GLI3: variants seen among roughly 807,000 people sequenced by gnomAD.
GLI3 encodes the protein transcription activator GLI3.
Under a neutral mutation model 100.8 loss-of-function variants are expected in GLI3, and 20 were observed. The observed-to-expected ratio is 0.20, with a 90% CI of 0.14 to 0.29. GLI3 has a LOEUF of 0.29. GLI3 is among the 10% of genes least tolerant of loss of function. GLI3 has a pLI of 1.00. For synonymous variants in GLI3, 938 were observed against 860.5 expected (o/e 1.09, Z -1.58); for missense variants, 2,040 against 2,128.5 (o/e 0.96, Z 0.82).
At chr7:42,209,080 G>C (rs1788212611) in intron 2 of GLI3, among the ~76,000 whole-genome samples, 1 of 151,862 alleles carries the variant, frequency 6.6e-6, no homozygotes, top group African/African-American at 2.4e-5. Context: ...TTAGAGACAG[G>C]GTCTCACTCT....
At chr7:42,031,059 G>A (rs910387029) in intron 7 of GLI3, among the ~76,000 whole-genome samples, 2 of 152,102 alleles carry the variant, frequency 1.3e-5, no homozygotes, top group African/African-American at 4.8e-5. Flanking sequence ...CTTCTCTAGA[G>A]CAGGACATAA....
chr7:42,180,130 G>A (rs771337018), intron 2 of GLI3, among the ~76,000 whole-genome samples: 1 of 152,184 alleles, frequency 6.6e-6, no homozygotes, highest in Non-Finnish European at 1.5e-5. Flanking sequence ...GGAGTGGCCT[G>A]CAGAGGACAG....
chr7:42,191,008 C>T (rs1457863528), intron 2 of GLI3, among the ~76,000 whole-genome samples: 3 of 151,588 alleles, frequency 2.0e-5, no homozygotes, highest in Non-Finnish European at 2.9e-5. Context: ...AAGACATTTC[C>T]TTAACCTGAT....
chr7:42,072,131 T>C (rs1020402916), intron 4 of GLI3, among the ~76,000 whole-genome samples: 1 of 152,166 alleles, frequency 6.6e-6, no homozygotes, highest in African/African-American at 2.4e-5. Context: ...ACTGTTCACA[T>C]CCACAGCACA....
chr7:42,108,476 G>A (rs557075547), intron 3 of GLI3, among the ~76,000 whole-genome samples: 1 of 152,238 alleles, frequency 6.6e-6, no homozygotes, highest in Non-Finnish European at 1.5e-5. Context: ...CCGCAAACTG[G>A]AAAGATAGAC....
At chr7:42,070,488 G>A (rs1784763378) in intron 4 of GLI3, among the ~76,000 whole-genome samples, 1 of 152,202 alleles carries the variant, frequency 6.6e-6, no homozygotes, top group East Asian at 1.9e-4. Flanking sequence ...AGGGTGTGGA[G>A]TCTGATGCCT....
upstream of GLI3, among the ~76,000 whole-genome samples, chr7:42,242,517 C>G (rs1788935496): frequency 6.6e-6 from 1 of 152,170 alleles, no homozygotes; most frequent in African/African-American, 2.4e-5. Flanking sequence ...GTCCTTTGTC[C>G]TTCTCTAGTC....
intron 11 of GLI3, 121 bp from the exon 12 acceptor site, chr7:41,977,843 G>C: frequency 1.2e-6 from 1 of 862,896 alleles, no homozygotes; most frequent in Non-Finnish European, 2.0e-6. Flanking sequence ...TCAAAACCCA[G>C]GAACAAAAAG....
chr7:42,173,640 G>A (rs1484879230), intron 2 of GLI3, among the ~76,000 whole-genome samples: 3 of 151,954 alleles, frequency 2.0e-5, no homozygotes, highest in African/African-American at 4.8e-5. Flanking sequence ...CTCCTTTCAC[G>A]AGCACAAAAG....
chr7:42,096,759 T>C (rs886285621), intron 3 of GLI3, among the ~76,000 whole-genome samples: 1 of 152,136 alleles, frequency 6.6e-6, no homozygotes, highest in Admixed American at 6.5e-5. Flanking sequence ...CAGAGAACTC[T>C]GCCATGGAAA....
intron 4 of GLI3, among the ~76,000 whole-genome samples, chr7:42,060,294 A>G (rs1378168772): frequency 6.6e-6 from 1 of 152,150 alleles, no homozygotes; most frequent in Non-Finnish European, 1.5e-5. Context: ...ATTTCCCTCA[A>G]GGACCTGATA....
At chr7:42,098,794 A>C (rs1785395748) in intron 3 of GLI3, among the ~76,000 whole-genome samples, 1 of 152,192 alleles carries the variant, frequency 6.6e-6, no homozygotes, top group Non-Finnish European at 1.5e-5. Context: ...AAACGGAAAT[A>C]AAATGGGCCC....
chr7:42,234,411 C>T (rs1266098329), intron 1 of GLI3, among the ~76,000 whole-genome samples: 1 of 152,090 alleles, frequency 6.6e-6, no homozygotes, highest in African/African-American at 2.4e-5. Context: ...CTTCACTGGC[C>T]AAGAAACAAA....
At chr7:42,237,347 G>A (rs1020855256), upstream of GLI3, among the ~76,000 whole-genome samples, 3 of 152,022 alleles carry the variant, frequency 2.0e-5, no homozygotes. Flanking sequence ...TCAACCGCGG[G>A]AGGGAGGGGA....
chr7:42,201,714 C>T (rs1394662917), intron 2 of GLI3, among the ~76,000 whole-genome samples: 2 of 152,174 alleles, frequency 1.3e-5, no homozygotes, highest in East Asian at 1.9e-4. Flanking sequence ...TGTTACTATA[C>T]TGAGTACTGT....
At chr7:42,060,726 C>T (rs986202995) in intron 4 of GLI3, among the ~76,000 whole-genome samples, 1 of 152,104 alleles carries the variant, frequency 6.6e-6, no homozygotes, top group Admixed American at 6.5e-5. Flanking sequence ...AAAATATTGA[C>T]ACCCAATAGT....
intron 3 of GLI3, among the ~76,000 whole-genome samples, chr7:42,103,894 C>T (rs931883822): frequency 6.6e-6 from 1 of 152,056 alleles, no homozygotes; most frequent in African/African-American, 2.4e-5. Context: ...TTACCATGAA[C>T]CATAAATAAT....
chr7:42,074,503 C>A (rs1026550652), intron 4 of GLI3, among the ~76,000 whole-genome samples: 1 of 152,182 alleles, frequency 6.6e-6, no homozygotes, highest in African/African-American at 2.4e-5. Context: ...AAGCTACATG[C>A]GAGTCTCTGG....
chr7:42,165,532 T>C (rs1315918742), intron 2 of GLI3, among the ~76,000 whole-genome samples: 1 of 152,192 alleles, frequency 6.6e-6, no homozygotes, highest in African/African-American at 2.4e-5. Flanking sequence ...TTAGTTTAAT[T>C]TCACTGATTG....
Sources: allele counts gnomAD v4.1 joint callset (sites outside exome capture counted in the v4.1 genomes callset), GRCh38; gene constraint gnomAD v4.1.1; transcripts MANE v1.5; gene names NCBI Gene and HGNC (gene_info 2026-07-23, HGNC 2026-07-21).